The following XKR9 variants were observed in gnomAD, a reference collection of about 807,000 sequenced individuals.
The protein encoded by XKR9 is XK-related protein 9.
A neutral mutation model predicts 32.0 loss-of-function variants in XKR9; 32 were observed. That is an observed-to-expected ratio of 1.00 (90% CI 0.76 to 1.34). The LOEUF is 1.34. Among genes scored for constraint, XKR9 ranks in the 40% most tolerant of loss-of-function variants. The pLI is 0.00. For missense variants in XKR9, 546 were observed against 429.7 expected (o/e 1.27, Z -2.39); for synonymous variants, 168 against 143.4 (o/e 1.17, Z -1.22).
chr8:70,692,314 G>T (rs1438951605), intron 3 of XKR9, among the ~76,000 whole-genome samples: 2 of 152,002 alleles, frequency 1.3e-5, no homozygotes, highest in Non-Finnish European at 2.9e-5. Flanking sequence ...AGGAGCTTTT[G>T]GGCCAAGACA....
chr8:70,815,509 T>TTTATTTA, the XKR9 span, among the ~76,000 whole-genome samples: 32 of 141,830 alleles, frequency 2.3e-4, 1 homozygote, highest in South Asian at 1.1e-3. Flanking sequence ...CATTCCTTTA[T>TTTATTTA]TTTATTTATT....
chr8:70,745,668 C>A (rs1010922675), intron 2 of XKR9, among the ~76,000 whole-genome samples: 2 of 152,144 alleles, frequency 1.3e-5, no homozygotes, highest in African/African-American at 4.8e-5. Flanking sequence ...TGAAGGCTAT[C>A]AGTTAATAAT....
At chr8:71,032,836 G>C in the XKR9 span, among the ~76,000 whole-genome samples, 2 of 152,180 alleles carry the variant, frequency 1.3e-5, no homozygotes, top group African/African-American at 4.8e-5. Context: ...TGTAATCCCA[G>C]CACTTTGGGA....
At chr8:71,037,136 G>A in the XKR9 span, among the ~76,000 whole-genome samples, 1 of 152,178 alleles carries the variant, frequency 6.6e-6, no homozygotes, top group Non-Finnish European at 1.5e-5. Context: ...TCTTATTTTA[G>A]TATGAATTCC....
chr8:71,060,523 G>A, the XKR9 span, among the ~76,000 whole-genome samples: 5 of 152,246 alleles, frequency 3.3e-5, no homozygotes, highest in South Asian at 8.3e-4. Flanking sequence ...CCTCCTTGTG[G>A]CTACCTCAGG....
At chr8:70,707,542 C>G (rs1045571934) in intron 4 of XKR9, among the ~76,000 whole-genome samples, 1 of 151,894 alleles carries the variant, frequency 6.6e-6, no homozygotes, top group Non-Finnish European at 1.5e-5. Context: ...TTATTATCTG[C>G]ATAGTATTGC....
the XKR9 span, among the ~76,000 whole-genome samples, chr8:70,977,290 C>G: frequency 2.0e-5 from 3 of 151,896 alleles, no homozygotes; most frequent in African/African-American, 4.8e-5. Flanking sequence ...AGTTTTTGAA[C>G]GTGTTTGCTC....
intron 2 of XKR9, among the ~76,000 whole-genome samples, chr8:70,789,008 T>C (rs928263672): frequency 1.1e-4 from 16 of 151,998 alleles, no homozygotes; most frequent in African/African-American, 3.4e-4. Flanking sequence ...TATAGTGAAG[T>C]TCCTTATGAG....
the XKR9 span, among the ~76,000 whole-genome samples, chr8:70,962,231 C>G: frequency 6.6e-6 from 1 of 151,678 alleles, no homozygotes. Context: ...ATAATTTTAA[C>G]CTATATTTTA....
chr8:70,693,451 T>G (rs1805149204), intron 3 of XKR9, among the ~76,000 whole-genome samples: 1 of 152,192 alleles, frequency 6.6e-6, no homozygotes, highest in South Asian at 2.1e-4. Context: ...TCCCTGTCAG[T>G]GCTCTGAAAG....
chr8:70,727,799 CTG>C (rs1434858457), intron 4 of XKR9, among the ~76,000 whole-genome samples: 1 of 151,906 alleles, frequency 6.6e-6, no homozygotes, highest in African/African-American at 2.4e-5. Flanking sequence ...GGAGGAGAAA[CTG>C]TCTTCTTGTA....
the XKR9 span, among the ~76,000 whole-genome samples, chr8:71,051,693 A>G: frequency 6.6e-6 from 1 of 152,246 alleles, no homozygotes; most frequent in African/African-American, 2.4e-5. Flanking sequence ...CCAAGCTATC[A>G]ACTATGAAAT....
chr8:70,958,222 T>C, the XKR9 span, among the ~76,000 whole-genome samples: 1 of 152,242 alleles, frequency 6.6e-6, no homozygotes, highest in African/African-American at 2.4e-5. Flanking sequence ...TTCCCAATAA[T>C]GGGATTGCTG....
At chr8:70,940,497 G>A in the XKR9 span, among the ~76,000 whole-genome samples, 1 of 151,814 alleles carries the variant, frequency 6.6e-6, no homozygotes, top group Non-Finnish European at 1.5e-5. Flanking sequence ...TGCAAGACAG[G>A]GTTAATTATA....
chr8:70,972,645 C>A, the XKR9 span, among the ~76,000 whole-genome samples: 1 of 152,052 alleles, frequency 6.6e-6, no homozygotes, highest in Middle Eastern at 3.2e-3. Context: ...CCCTTCTATG[C>A]CAATTTTACT....
chr8:70,695,162 T>C (rs571234927), intron 3 of XKR9, among the ~76,000 whole-genome samples: 54 of 150,042 alleles, frequency 3.6e-4, no homozygotes, highest in African/African-American at 1.3e-3. Context: ...GATTTGTTTT[T>C]AAAAAAATTT....
the XKR9 span, among the ~76,000 whole-genome samples, chr8:70,958,814 G>C: frequency 2.6e-5 from 4 of 152,124 alleles, no homozygotes; most frequent in Admixed American, 1.3e-4. Flanking sequence ...AGGACTGTTA[G>C]TCAAGTTACT....
the XKR9 span, among the ~76,000 whole-genome samples, chr8:71,017,136 A>G: frequency 6.6e-6 from 1 of 152,290 alleles, no homozygotes; most frequent in Admixed American, 6.5e-5. Flanking sequence ...TTTCAGTAGT[A>G]TTTTATGTGG....
the XKR9 span, among the ~76,000 whole-genome samples, chr8:70,818,064 A>C: frequency 6.6e-6 from 1 of 152,220 alleles, no homozygotes; most frequent in Non-Finnish European, 1.5e-5. Context: ...CTAAGGATTT[A>C]TGACAGTCCT....
Sources: gnomAD v4.1 joint callset for allele counts (sites outside exome capture counted in the v4.1 genomes callset) on GRCh38, gnomAD v4.1.1 for gene constraint, MANE v1.5 for transcripts, NCBI Gene and HGNC (gene_info 2026-07-23, HGNC 2026-07-21) for gene names.